ROBO2: variants seen among roughly 807,000 people sequenced by gnomAD.
The protein encoded by ROBO2 is roundabout guidance receptor 2, also known as roundabout homolog 2.
Under a neutral mutation model 160.8 loss-of-function variants are expected in ROBO2, and 53 were observed. That is an observed-to-expected ratio of 0.33 (90% CI 0.26 to 0.41). The LOEUF is 0.41. Among genes scored for constraint, ROBO2 ranks in the 10% least tolerant of loss-of-function variants. ROBO2 has a pLI of 1.00. For synonymous variants in ROBO2, 664 were observed against 611.7 expected (o/e 1.09, Z -1.26); for missense variants, 1,577 against 1,722.4 (o/e 0.92, Z 1.49).
At chr3:76,028,615 A>G (rs565322568) in intron 2 of ROBO2, among the ~76,000 whole-genome samples, 19 of 151,922 alleles carry the variant, frequency 1.3e-4, no homozygotes, top group Non-Finnish European at 2.4e-4. Flanking sequence ...GGAAAATGCA[A>G]TATAGAAAAA....
chr3:76,959,003 T>A (rs924102176), intron 2 of ROBO2, among the ~76,000 whole-genome samples: 1 of 152,196 alleles, frequency 6.6e-6, no homozygotes, highest in African/African-American at 2.4e-5. Context: ...AATAGGAAGA[T>A]ACATCTTCTG....
At chr3:76,317,784 T>C (rs2072165678) in intron 2 of ROBO2, among the ~76,000 whole-genome samples, 1 of 152,086 alleles carries the variant, frequency 6.6e-6, no homozygotes, top group Non-Finnish European at 1.5e-5. Flanking sequence ...TACTAAGATC[T>C]GTTGTAAAAC....
At chr3:77,201,720 G>C (rs2082932222) in intron 2 of ROBO2, among the ~76,000 whole-genome samples, 1 of 152,012 alleles carries the variant, frequency 6.6e-6, no homozygotes, top group African/African-American at 2.4e-5. Context: ...CATATTCATT[G>C]TATTTGTTGC....
chr3:76,791,971 T>C (rs917183096), intron 2 of ROBO2, among the ~76,000 whole-genome samples: 1 of 151,954 alleles, frequency 6.6e-6, no homozygotes, highest in Non-Finnish European at 1.5e-5. Flanking sequence ...GCAAAGGTTA[T>C]ATGCAATTAC....
intron 2 of ROBO2, among the ~76,000 whole-genome samples, chr3:76,256,071 G>A (rs945527252): frequency 1.3e-5 from 2 of 152,004 alleles, no homozygotes; most frequent in African/African-American, 4.8e-5. Context: ...GATGAAGGTA[G>A]GAGGATCCCT....
intron 2 of ROBO2, among the ~76,000 whole-genome samples, chr3:76,102,749 A>G (rs2069749864): frequency 6.6e-6 from 1 of 152,164 alleles, no homozygotes; most frequent in Admixed American, 6.5e-5. Context: ...TTGGAGATTA[A>G]GAGTGTAGAC....
intron 2 of ROBO2, among the ~76,000 whole-genome samples, chr3:76,185,082 A>G (rs1701680865): frequency 6.6e-6 from 1 of 151,160 alleles, no homozygotes; most frequent in African/African-American, 2.4e-5. Context: ...GTTGACACCT[A>G]TAGTAAATCA....
intron 2 of ROBO2, among the ~76,000 whole-genome samples, chr3:76,518,014 G>T (rs753717000): frequency 1.3e-5 from 2 of 152,054 alleles, no homozygotes; most frequent in Non-Finnish European, 2.9e-5. Context: ...GCATCAGGGG[G>T]TTCCTTTAGT....
In ROBO2 at chr3:76,385,371, C is replaced by G. The variant is rs145708396; in HGVS notation, c.109+447769C>G. On this transcript the variant is annotated intron_variant, in intron 2 of 26. Transcript: ENST00000487694. Reference sequence around the variant, plus strand: ...TTATATAAAAATAGTTTCTTCAGTTCTCTTATACATCTGACACCTGAAAAA... The same window carrying G: ...TTATATAAAAATAGTTTCTTCAGTTGTCTTATACATCTGACACCTGAAAAA... Among the ~76,000 whole-genome samples, 14 of 152,266 alleles carry G rather than the reference C, an allele frequency of 9.2e-5. No individual in the cohort carries two copies. The East Asian group carries it at 9.7e-4, about 11-fold the overall frequency.
intron 2 of ROBO2, among the ~76,000 whole-genome samples, chr3:76,562,024 T>G (rs754945917): frequency 2.6e-5 from 4 of 152,056 alleles, no homozygotes; most frequent in Non-Finnish European, 4.4e-5. Flanking sequence ...GTCATTTACA[T>G]CTCAATTTAA....
At chr3:76,148,624 C>G (rs942866567) in intron 2 of ROBO2, among the ~76,000 whole-genome samples, 2 of 152,070 alleles carry the variant, frequency 1.3e-5, no homozygotes, top group African/African-American at 4.8e-5. Flanking sequence ...GAACCTCCAT[C>G]TTGCCAAGTC....
intron 2 of ROBO2, among the ~76,000 whole-genome samples, chr3:76,869,695 A>G (rs145264533): frequency 3.3e-5 from 5 of 152,266 alleles, no homozygotes; most frequent in African/African-American, 1.2e-4. Flanking sequence ...AATTGGGAAT[A>G]TCAAGATTTT....
chr3:76,874,283 C>T (rs780454821), intron 2 of ROBO2, among the ~76,000 whole-genome samples: 1 of 151,940 alleles, frequency 6.6e-6, no homozygotes, highest in African/African-American at 2.4e-5. Flanking sequence ...TTCATCTCAC[C>T]CATTAAGAAT....
intron 2 of ROBO2, among the ~76,000 whole-genome samples, chr3:76,267,847 C>T (rs1161004539): frequency 2.0e-5 from 3 of 152,132 alleles, no homozygotes; most frequent in Admixed American, 6.6e-5. Context: ...AAAGCAATTA[C>T]TTACTCACTA....
intron 2 of ROBO2, among the ~76,000 whole-genome samples, chr3:76,913,177 C>G (rs2076095857): frequency 6.6e-6 from 1 of 152,128 alleles, no homozygotes; most frequent in African/African-American, 2.4e-5. Context: ...AACTTTGACC[C>G]TCTTTCAAAA....
At chr3:77,040,498 G>A (rs1321855348) in exon 1 of ROBO2, 2 of 1,307,762 alleles carry the variant, frequency 1.5e-6, no homozygotes, top group East Asian at 3.5e-5. Context: ...AGACACACTC[G>A]AATAATCCCT....
At chr3:77,357,205 C>A (rs982634938) in intron 2 of ROBO2, among the ~76,000 whole-genome samples, 1 of 152,108 alleles carries the variant, frequency 6.6e-6, no homozygotes, top group African/African-American at 2.4e-5. Flanking sequence ...GAAACTTAAT[C>A]CCCAATGCAA....
intron 2 of ROBO2, among the ~76,000 whole-genome samples, chr3:76,666,968 A>G (rs1414061111): frequency 6.8e-6 from 1 of 147,004 alleles, no homozygotes; most frequent in African/African-American, 2.5e-5. Context: ...ACATATATAT[A>G]TGACATATAT....
chr3:76,663,672 G>A (rs777986880), intron 2 of ROBO2, among the ~76,000 whole-genome samples: 12 of 152,112 alleles, frequency 7.9e-5, no homozygotes, highest in Non-Finnish European at 1.6e-4. Flanking sequence ...GAAAGAATGA[G>A]GCCAGACTCC....
Sources: gnomAD v4.1 joint callset for allele counts (sites outside exome capture counted in the v4.1 genomes callset) on GRCh38, gnomAD v4.1.1 for gene constraint, MANE v1.5 for transcripts, NCBI Gene and HGNC (gene_info 2026-07-23, HGNC 2026-07-21) for gene names.